Variants in SLC22A9 observed in about 807,000 individuals in gnomAD.
SLC22A9 encodes the protein solute carrier family 22 member 9, also known as organic anion transporter 7.
SLC22A9 carries 64 observed loss-of-function variants against 50.1 expected under a neutral mutation model. The ratio of observed to expected loss-of-function variants is 1.28; its 90% CI spans 1.04 to 1.57. The LOEUF (loss-of-function observed/expected upper bound fraction) is 1.57, where lower values mean the gene tolerates loss of function less well. Among genes scored for constraint, SLC22A9 ranks in the 40% most tolerant of loss-of-function variants. The pLI, the probability that SLC22A9 is intolerant of heterozygous loss-of-function variation, is 0.00. For synonymous variants in SLC22A9, 261 were observed against 242.5 expected (o/e 1.08, Z -0.71); for missense variants, 757 against 676.1 (o/e 1.12, Z -1.33).
intron 2 of SLC22A9, among the ~76,000 whole-genome samples, chr11:63,372,141 A>G (rs1001578831): frequency 1.2e-4 from 18 of 152,158 alleles, no homozygotes; most frequent in Admixed American, 1.1e-3. Flanking sequence ...AAGGGGTAGG[A>G]GATGCCAGGC....
In SLC22A9 at chr11:63,409,858, T is replaced by G; in HGVS notation, c.1658T>G (p.Phe553Cys). 4 of 1,613,058 alleles carry G rather than the reference T, an allele frequency of 2.5e-6. No homozygotes were observed. Among genetic ancestry groups the G allele is most frequent in the Non-Finnish European group, 3.4e-6 (4 of 1,179,558 alleles). Reference protein sequence around the residue: ...QEDPRVEVTQF With the variant: ...QEDPRVEVTQC ...GATCCGAGAGTGGAAGTGACGCAGTTTTAAGGAATTCCAGGAGCTGACTGC... is the reference window on the plus strand; with the variant it reads ...GATCCGAGAGTGGAAGTGACGCAGTGTTAAGGAATTCCAGGAGCTGACTGC... The change falls in exon 10 of 10, where the codon TTT becomes TGT. Residue 553 changes from phenylalanine (F) to cysteine (C), a missense_variant. By Grantham distance (205) the Phe-to-Cys change is radical (BLOSUM62 -2). Transcript: ENST00000279178.
rs2014653424 is a variant in SLC22A9, at chr11:63,385,753, AC to A, written c.1073+3477del. 2.6e-5 allele frequency among the ~76,000 whole-genome samples: 4 copies of A among 152,184 alleles called. No homozygotes were observed. The South Asian group carries it at 8.3e-4, about 32-fold the overall frequency. ...GTCATCTGCAAATGAAGACAACTTGACTTCCTCTCTTCCGATTCAAATACCC... is the reference window on the plus strand; with the variant it reads ...GTCATCTGCAAATGAAGACAACTTGATTCCTCTCTTCCGATTCAAATACCC... On this transcript the variant is annotated intron_variant, in intron 6 of 9. Coordinates refer to ENST00000279178, the MANE Select transcript of SLC22A9 (RefSeq NM_080866.3).
In SLC22A9 at chr11:63,408,750, G is replaced by C. The variant is rs759802976; in HGVS notation, c.1472G>C (p.Ser491Thr). The change falls in exon 9 of 10, where the codon AGT becomes ACT. Residue 491 changes from serine (S) to threonine (T), a missense_variant. By Grantham distance (58) the Ser-to-Thr change is moderately conservative (BLOSUM62 1). Coordinates refer to ENST00000279178, the MANE Select transcript of SLC22A9 (RefSeq NM_080866.3). ...CTGGCTCCCCTCATGATGATCCTAA[G>C]TGTGTATTCTCCACCCCTGCCCTGG... ...GALAPLMMIL[S>T]VYSPPLPWII... The C allele has an allele frequency of 6.2e-7, 1 of 1,613,992 alleles. No individual in the cohort carries two copies.
At chr11:63,409,189 T>C (rs1186172298) in intron 9 of SLC22A9, among the ~76,000 whole-genome samples, 1 of 152,086 alleles carries the variant, frequency 6.6e-6, no homozygotes, top group Non-Finnish European at 1.5e-5. Flanking sequence ...CTGTTGAAGG[T>C]ATTTTACAAA....
intron 8 of SLC22A9, 149 bp from the exon 9 acceptor site, chr11:63,408,527 G>T: frequency 1.3e-6 from 1 of 742,394 alleles, no homozygotes; most frequent in Non-Finnish European, 2.2e-6. Context: ...TTAATTGCTA[G>T]CAAATAAAAG....
At chr11:63,390,219 C>T (rs566415590) in intron 6 of SLC22A9, among the ~76,000 whole-genome samples, 3 of 152,240 alleles carry the variant, frequency 2.0e-5, no homozygotes, top group East Asian at 1.9e-4. Flanking sequence ...GTTGCAATTG[C>T]TTTTGGTGTT....
intron 8 of SLC22A9, 124 bp downstream of exon 8, chr11:63,408,344 C>G (rs987279488): frequency 2.5e-6 from 2 of 805,042 alleles, no homozygotes; most frequent in Admixed American, 4.9e-5. Flanking sequence ...GTCATAAACA[C>G]AAATAATTAT....
At chr11:63,405,786 G>A (rs375337212) in intron 6 of SLC22A9, among the ~76,000 whole-genome samples, 1 of 151,994 alleles carries the variant, frequency 6.6e-6, no homozygotes, top group African/African-American at 2.4e-5. Context: ...TCTTGCAGTG[G>A]TTTTTGTTGT....
rs771582288 is a variant in SLC22A9 at position 63,371,139 on chromosome 11, A to G, written c.407A>G (p.Asp136Gly). The G allele has an allele frequency of 6.2e-7, 1 of 1,612,060 alleles. No homozygotes were observed. Among genetic ancestry groups the G allele is most frequent in the South Asian group, 1.1e-5 (1 of 90,972 alleles). Reference protein sequence around the residue: ...SFSSTIVTEWDLVCDSQSLTS... With the variant: ...SFSSTIVTEWGLVCDSQSLTS... ...GCTGGCTTCCTTCTCTTCCAGTGGG[A>G]TCTGGTATGTGACTCTCAATCACTG... Residue 136 changes from aspartate (D) to glycine (G), a missense_variant, in exon 2 of 10, where the codon GAT becomes GGT. By Grantham distance (94) the Asp-to-Gly change is moderately conservative (BLOSUM62 -1). Transcript: ENST00000279178.
chr11:63,404,743 T>C (rs916481558), intron 6 of SLC22A9, among the ~76,000 whole-genome samples: 10 of 152,312 alleles, frequency 6.6e-5, no homozygotes, highest in African/African-American at 2.4e-4. Flanking sequence ...AGCTTGTTTA[T>C]ACTGGCAGAT....
chr11:63,391,114 T>G (rs937655181), intron 6 of SLC22A9, among the ~76,000 whole-genome samples: 1 of 152,156 alleles, frequency 6.6e-6, no homozygotes, highest in Non-Finnish European at 1.5e-5. Context: ...AATTTCCATG[T>G]GTTGATATGA....
chr11:63,373,276 C>T (rs1034992825), intron 2 of SLC22A9, among the ~76,000 whole-genome samples: 1 of 152,020 alleles, frequency 6.6e-6, no homozygotes, highest in Admixed American at 6.6e-5. Flanking sequence ...AGGCTATGCC[C>T]TGCTCAGGCT....
In SLC22A9 at chr11:63,408,230, C is replaced by T. The variant is rs760764720; in HGVS notation, c.1397+10C>T. The T allele has an allele frequency of 1.2e-6, 2 of 1,603,638 alleles. No homozygotes were observed. The highest frequency in any genetic ancestry group is 1.7e-6 in the Non-Finnish European group (2 of 1,170,898). On this transcript the variant is annotated intron_variant, in intron 8 of 9. Coordinates refer to ENST00000279178, the MANE Select transcript of SLC22A9 (RefSeq NM_080866.3). ...TTCCCACCATAATCAGGTACAGAAC[C>T]TTAAGTATGCCCTGTCAGGTTCAAA...
At chr11:63,397,103 A>G (rs2014872992) in intron 6 of SLC22A9, among the ~76,000 whole-genome samples, 1 of 152,202 alleles carries the variant, frequency 6.6e-6, no homozygotes, top group Non-Finnish European at 1.5e-5. Context: ...CCCCAAGGCC[A>G]GTAATGCTGC....
At chr11:63,370,722 A>G (rs1043205983) in intron 1 of SLC22A9, among the ~76,000 whole-genome samples, 1 of 152,168 alleles carries the variant, frequency 6.6e-6, no homozygotes, top group Non-Finnish European at 1.5e-5. Context: ...ATATGTTAAA[A>G]TGTTCTGCTA....
intron 6 of SLC22A9, among the ~76,000 whole-genome samples, chr11:63,391,653 A>C (rs879624024): frequency 6.6e-6 from 1 of 151,738 alleles, no homozygotes; most frequent in Admixed American, 6.6e-5. Context: ...TTCCTTTGGC[A>C]TAGAATATCA....
Position 63,409,934 on chromosome 11 carries a change from G to A in SLC22A9, c.*72G>A. On this transcript the variant is annotated 3_prime_UTR_variant, in exon 10 of 10. Coordinates refer to ENST00000279178, the MANE Select transcript of SLC22A9 (RefSeq NM_080866.3). ...CAATCAGGACTATTCCTAGACACTA[G>A]CAAAATCTAGAAAATAAATAACAAG... 1 of 1,534,720 alleles carries A rather than the reference G, an allele frequency of 6.5e-7. No individual in the cohort carries two copies. Among genetic ancestry groups the A allele is most frequent in the South Asian group, 1.1e-5 (1 of 88,566 alleles).
intron 8 of SLC22A9, 38 bp from the exon 9 acceptor site, chr11:63,408,638 T>C (rs530997642): frequency 1.6e-5 from 25 of 1,577,226 alleles, no homozygotes; most frequent in Non-Finnish European, 2.2e-5. Context: ...TGTGTGGATT[T>C]TTAACAGATA....
chr11:63,384,097 A>G (rs1032705506), intron 6 of SLC22A9, among the ~76,000 whole-genome samples: 9 of 152,142 alleles, frequency 5.9e-5, no homozygotes, highest in Non-Finnish European at 7.4e-5. Context: ...ACAAAGAAAT[A>G]TTGTAAATAT....
Sources: gnomAD v4.1 joint callset for allele counts (sites outside exome capture counted in the v4.1 genomes callset) on GRCh38, gnomAD v4.1.1 for gene constraint, MANE v1.5 for transcripts, NCBI Gene and HGNC (gene_info 2026-07-23, HGNC 2026-07-21) for gene names.